The following CCDC34 variants were observed in gnomAD, a reference collection of about 807,000 sequenced individuals.
CCDC34 encodes coiled-coil domain-containing protein 34.
A neutral mutation model predicts 44.1 loss-of-function variants in CCDC34; 40 were observed. The observed-to-expected ratio is 0.91, with a 90% CI of 0.70 to 1.18. CCDC34 has a LOEUF of 1.18. CCDC34 is among the 50% of genes most tolerant of loss of function. The probability of loss-of-function intolerance (pLI) is 0.00; values close to 1 mark genes in which losing one functional copy is unlikely to be tolerated. For synonymous variants in CCDC34, 159 were observed against 158.2 expected, an observed-to-expected ratio of 1.01 and a Z score of -0.04; for missense variants, 466 against 452.3, an observed-to-expected ratio of 1.03 and a Z score of -0.28.
At chr11:27,359,272 T>G (rs767921848) in intron 1 of CCDC34, among the ~76,000 whole-genome samples, 1 of 152,092 alleles carries the variant, frequency 6.6e-6, no homozygotes, top group Non-Finnish European at 1.5e-5. Flanking sequence ...CAGCCTCTTC[T>G]TTCACCAACG....
chr11:27,360,590 G>T (rs1004275913), intron 1 of CCDC34, among the ~76,000 whole-genome samples: 1 of 152,146 alleles, frequency 6.6e-6, no homozygotes, highest in Non-Finnish European at 1.5e-5. Context: ...GCTGACTCAG[G>T]TTGCCTGCTC....
At chr11:27,358,650 C>G (rs11029974) in intron 1 of CCDC34, among the ~76,000 whole-genome samples, 41,802 of 152,030 alleles carry the variant, frequency 0.27, 6,332 homozygotes, top group Non-Finnish European at 0.35. Context: ...AGGAACCCAT[C>G]TGCCCCCACT....
At chr11:27,348,741 A>G in intron 3 of CCDC34, 1 of 599,208 alleles carries the variant, frequency 1.7e-6, no homozygotes, top group South Asian at 7.4e-5. Flanking sequence ...CCAGGAGAGC[A>G]GTCTTTACAA....
At position 27,347,402 on chromosome 11, in the gene CCDC34, G is replaced by C. The variant is rs555158560; in HGVS notation, c.606+2930C>G. ...AAATGAAAACAAGTGTCCACAAAAAGACTTGTACATGAGTGGTCACAGAAT... is the reference window on the plus strand; with the variant it reads ...AAATGAAAACAAGTGTCCACAAAAACACTTGTACATGAGTGGTCACAGAAT... On this transcript the variant is annotated intron_variant, in intron 3 of 5. Transcript: ENST00000328697. Among the ~76,000 whole-genome samples, 15 of 152,226 alleles carry C rather than the reference G, an allele frequency of 9.9e-5. No homozygotes were observed. The South Asian group carries it at 2.7e-3, about 27-fold the overall frequency.
At chr11:27,354,685 C>T (rs1196005088) in intron 2 of CCDC34, among the ~76,000 whole-genome samples, 4 of 147,634 alleles carry the variant, frequency 2.7e-5, no homozygotes, top group East Asian at 2.0e-4. Context: ...AACCCCCCCA[C>T]CCCCACCCCA....
intron 3 of CCDC34, among the ~76,000 whole-genome samples, chr11:27,342,812 T>C (rs1862380369): frequency 1.3e-5 from 2 of 152,280 alleles, no homozygotes; most frequent in African/African-American, 4.8e-5. Flanking sequence ...CAATATTTTT[T>C]CCTCCTTATT....
chr11:27,340,614 AC>A, intron 5 of CCDC34, 81 bp downstream of exon 5: 1 of 1,322,526 alleles, frequency 7.6e-7, no homozygotes, highest in Non-Finnish European at 1.0e-6. Flanking sequence ...TAATTTTTAC[AC>A]ATTTCTATTT....
intron 3 of CCDC34, among the ~76,000 whole-genome samples, chr11:27,343,909 A>G (rs1335771378): frequency 1.3e-5 from 2 of 152,186 alleles, no homozygotes; most frequent in Non-Finnish European, 2.9e-5. Flanking sequence ...AAATGGGAGA[A>G]TGTTAAAACC....
chr11:27,358,701 A>G (rs951333526), intron 1 of CCDC34, among the ~76,000 whole-genome samples: 2 of 152,066 alleles, frequency 1.3e-5, no homozygotes. Flanking sequence ...GATGATGTCT[A>G]TATCAGTAAT....
At chr11:27,341,176 T>A (rs1349049140) in intron 4 of CCDC34, among the ~76,000 whole-genome samples, 3 of 152,208 alleles carry the variant, frequency 2.0e-5, no homozygotes, top group African/African-American at 7.2e-5. Context: ...TAAACCTGAC[T>A]GAAAAAATAT....
Position 27,341,373 on chromosome 11 carries a change from G to T in CCDC34, c.765+19C>A. On this transcript the variant is annotated intron_variant, in intron 4 of 5. Transcript: ENST00000328697. ...ACACCAAAGTTATGTATTCTAACTG[G>T]TCACTTTAATAAAAATACCTTTTCT... 1 of 1,413,934 alleles carries T rather than the reference G, an allele frequency of 7.1e-7. No homozygotes were observed. Among genetic ancestry groups the T allele is most frequent in the Non-Finnish European group, 9.6e-7 (1 of 1,041,096 alleles). 87.6% of individuals were successfully genotyped at this position (1,413,934 alleles called of 1,614,324 possible). A position where few individuals can be genotyped will look rare whatever the true frequency, so the allele number is the denominator to read the frequency against.
chr11:27,347,424 G>A (rs1862449302), intron 3 of CCDC34, among the ~76,000 whole-genome samples: 2 of 152,230 alleles, frequency 1.3e-5, no homozygotes, highest in East Asian at 1.9e-4. Context: ...AGTGGTCACA[G>A]AATTTTATTC....
intron 1 of CCDC34, 44 bp from the exon 2 acceptor site, chr11:27,357,585 T>C: frequency 6.3e-7 from 1 of 1,584,578 alleles, no homozygotes; most frequent in African/African-American, 1.4e-5. Context: ...AGAACCTCTT[T>C]TGCTTCCTAG....
intron 2 of CCDC34, among the ~76,000 whole-genome samples, chr11:27,351,305 T>C (rs1031280648): frequency 2.6e-5 from 4 of 152,208 alleles, no homozygotes; most frequent in Non-Finnish European, 2.9e-5. Context: ...TACTTGGGCA[T>C]GGGTGGTAGT....
chr11:27,342,207 A>G (rs1043075727), intron 3 of CCDC34, among the ~76,000 whole-genome samples: 2 of 151,724 alleles, frequency 1.3e-5, no homozygotes, highest in Admixed American at 1.3e-4. Flanking sequence ...TGAATAAATG[A>G]TAGTGAGTAA....
rs953473967 is a variant in CCDC34, at chr11:27,338,743, T to C, written c.*78A>G. On this transcript the variant is annotated 3_prime_UTR_variant, in exon 6 of 6. Transcript: ENST00000328697. ...AATAATCACATTAAGTGTTGAGTTA[T>C]TGACTGAGCAGTAAAAAACAATTTC... The C allele has an allele frequency of 7.4e-5, 86 of 1,161,634 alleles. No homozygotes were observed. Among genetic ancestry groups the C allele is most frequent in the Non-Finnish European group, 2.5e-5 (20 of 787,828 alleles). The allele number at this position is 1,161,634 out of a possible 1,614,324, so 72.0% of individuals were successfully genotyped here.
intron 3 of CCDC34, among the ~76,000 whole-genome samples, chr11:27,347,357 C>G (rs56228026): frequency 0.011 from 1,648 of 152,240 alleles, 13 homozygotes; most frequent in Middle Eastern, 0.02. Context: ...TAATTTAGTT[C>G]CTAGGCATTC....
intron 2 of CCDC34, among the ~76,000 whole-genome samples, chr11:27,351,854 G>A (rs746992306): frequency 1.3e-5 from 2 of 152,184 alleles, no homozygotes; most frequent in African/African-American, 4.8e-5. Context: ...CGAAAGGAGA[G>A]AGATTGGGAG....
chr11:27,349,514 T>C (rs1225050898), intron 3 of CCDC34: 4 of 914,678 alleles, frequency 4.4e-6, no homozygotes, highest in African/African-American at 1.8e-5. Context: ...ATTTAAAATA[T>C]TGTCCTACAA....
Sources: gnomAD v4.1 joint callset for allele counts (sites outside exome capture counted in the v4.1 genomes callset) on GRCh38, gnomAD v4.1.1 for gene constraint, MANE v1.5 for transcripts, NCBI Gene and HGNC (gene_info 2026-07-23, HGNC 2026-07-21) for gene names.